Variants in FAM241A observed in about 807,000 individuals in gnomAD.
FAM241A encodes the protein uncharacterized protein FAM241A.
Under a neutral mutation model 12.2 loss-of-function variants are expected in FAM241A, and 7 were observed. The ratio of observed to expected loss-of-function variants is 0.58; its 90% confidence interval spans 0.33 to 1.08. The LOEUF is 1.08. FAM241A is among the 50% of genes least tolerant of loss of function. FAM241A has a pLI of 0.04. For synonymous variants in FAM241A, 74 were observed against 68.2 expected (o/e 1.08, Z -0.42); for missense variants, 161 against 169.7 (o/e 0.95, Z 0.29).
At chr4:112,145,952 C>G (rs1723128243) in intron 1 of FAM241A, among the ~76,000 whole-genome samples, 1 of 151,894 alleles carries the variant, frequency 6.6e-6, no homozygotes, top group South Asian at 2.1e-4. Context: ...AGCGCCGGCC[C>G]CGGGGTCGCG....
intron 1 of FAM241A, among the ~76,000 whole-genome samples, chr4:112,162,325 G>A (rs1723491061): frequency 6.6e-6 from 1 of 152,132 alleles, no homozygotes; most frequent in Admixed American, 6.5e-5. Flanking sequence ...TCAGGCAGGA[G>A]AAAGAAATAA....
chr4:112,154,327 G>A (rs1723307753), intron 1 of FAM241A, among the ~76,000 whole-genome samples: 1 of 151,998 alleles, frequency 6.6e-6, no homozygotes, highest in African/African-American at 2.4e-5. Flanking sequence ...GAGTGCAATG[G>A]TAGGATCTCA....
intron 1 of FAM241A, among the ~76,000 whole-genome samples, chr4:112,172,658 T>C (rs941222840): frequency 1.3e-5 from 2 of 152,218 alleles, no homozygotes; most frequent in Admixed American, 6.5e-5. Context: ...TGTTTATAAA[T>C]GTTAACCTCC....
In FAM241A at chr4:112,186,693, G is replaced by T; in HGVS notation, c.154G>T (p.Asp52Tyr). 2.5e-6 allele frequency: 4 copies of T among 1,578,490 alleles called. No individual in the cohort carries two copies. The highest frequency in any genetic ancestry group is 1.7e-4 in the Middle Eastern group (1 of 5,862). ...RGQRPKESEQDVEDSQNHTGE... is the reference protein window; with the variant it reads ...RGQRPKESEQYVEDSQNHTGE... Reference sequence around the variant, plus strand: ...TTTGTCTTTTTTTTTTTTTTTAAAGGATGTTGAAGACTCACAGAACCACAC... The same window carrying T: ...TTTGTCTTTTTTTTTTTTTTTAAAGTATGTTGAAGACTCACAGAACCACAC... The change falls in exon 2 of 2, where the codon GAT becomes TAT. Residue 52 changes from aspartate to tyrosine, a missense_variant and splice_region_variant. Physicochemically the swap from Asp to Tyr is radical, Grantham distance 160 (BLOSUM62 -3). Coordinates refer to ENST00000309733, the MANE Select transcript of FAM241A (RefSeq NM_152400.3).
At chr4:112,164,768 A>G (rs752739462) in intron 1 of FAM241A, among the ~76,000 whole-genome samples, 37 of 152,322 alleles carry the variant, frequency 2.4e-4, no homozygotes, top group Middle Eastern at 3.4e-3. Flanking sequence ...AAAATGTCTA[A>G]TAATTCAATT....
chr4:112,152,119 T>C (rs547035102), intron 1 of FAM241A, among the ~76,000 whole-genome samples: 2 of 152,254 alleles, frequency 1.3e-5, no homozygotes, highest in African/African-American at 4.8e-5. Flanking sequence ...GGAATAATTT[T>C]GCATTTGATA....
intron 1 of FAM241A, among the ~76,000 whole-genome samples, chr4:112,183,084 A>G (rs1723973745): frequency 6.6e-6 from 1 of 151,926 alleles, no homozygotes; most frequent in Admixed American, 6.6e-5. Flanking sequence ...TTTCTACAGA[A>G]CTTCATTTGT....
rs918184790 is a variant in FAM241A at position 112,194,561 on chromosome 4, G to A, written c.*7623G>A. The A allele has an allele frequency of 2.1e-4, 32 of 151,888 alleles. No homozygotes were observed. Among genetic ancestry groups the A allele is most frequent in the Admixed American group, 8.5e-4 (13 of 15,226 alleles). 9.4% of individuals were successfully genotyped at this position (151,888 alleles called of 1,614,324 possible). On this transcript the variant is annotated 3_prime_UTR_variant, in exon 2 of 2. Transcript: ENST00000309733. ...TTATTGAGAGTTTTTAGCATGAAGC[G>A]TTGTTGAATTTTGTCAAAGGCCTTT...
chr4:112,151,037 A>G (rs1230652840), intron 1 of FAM241A, among the ~76,000 whole-genome samples: 4 of 152,214 alleles, frequency 2.6e-5, no homozygotes, highest in African/African-American at 4.8e-5. Context: ...GAACAGCATT[A>G]ATATAGTTTG....
intron 1 of FAM241A, among the ~76,000 whole-genome samples, chr4:112,161,688 G>A (rs1332298133): frequency 6.6e-6 from 1 of 152,140 alleles, no homozygotes; most frequent in Non-Finnish European, 1.5e-5. Flanking sequence ...ACCAAAAAAA[G>A]TCTAGGACCA....
chr4:112,156,584 A>ACTT (rs892537102), intron 1 of FAM241A, among the ~76,000 whole-genome samples: 8 of 152,204 alleles, frequency 5.3e-5, no homozygotes, highest in African/African-American at 4.8e-5. Context: ...ATCTGTCAAA[A>ACTT]CTTCTTCTCC....
chr4:112,180,931 T>C (rs1330472783), intron 1 of FAM241A, among the ~76,000 whole-genome samples: 1 of 152,186 alleles, frequency 6.6e-6, no homozygotes, highest in Non-Finnish European at 1.5e-5. Context: ...AAAACTAATA[T>C]TAAGTACAAG....
At chr4:112,163,038 G>C (rs1028560152) in intron 1 of FAM241A, among the ~76,000 whole-genome samples, 1 of 152,142 alleles carries the variant, frequency 6.6e-6, no homozygotes, top group African/African-American at 2.4e-5. Context: ...TGACAAACCT[G>C]AGAAAAACAA....
chr4:112,176,779 C>T (rs1261130265), intron 1 of FAM241A, among the ~76,000 whole-genome samples: 6 of 146,848 alleles, frequency 4.1e-5, no homozygotes, highest in Non-Finnish European at 1.5e-5. Context: ...GAACACTCTT[C>T]GTGTGCATGT....
intron 1 of FAM241A, chr4:112,171,448 A>T (rs1167742603): frequency 1.3e-6 from 1 of 778,662 alleles, no homozygotes; most frequent in Non-Finnish European, 2.3e-6. Flanking sequence ...TGCAGATCTA[A>T]GAGAATGCTG....
chr4:112,155,242 A>G (rs2110421494), intron 1 of FAM241A, among the ~76,000 whole-genome samples: 1 of 134,020 alleles, frequency 7.5e-6, no homozygotes, highest in South Asian at 2.4e-4. Context: ...CTTTTTGACT[A>G]CCTGGTGGTT....
At chr4:112,149,160 T>C (rs1723197296) in intron 1 of FAM241A, among the ~76,000 whole-genome samples, 1 of 152,140 alleles carries the variant, frequency 6.6e-6, no homozygotes, top group African/African-American at 2.4e-5. Context: ...TTTGTCTATG[T>C]GTATATGCAT....
At chr4:112,177,627 A>C (rs1723849081) in intron 1 of FAM241A, among the ~76,000 whole-genome samples, 2 of 152,160 alleles carry the variant, frequency 1.3e-5, no homozygotes, top group Non-Finnish European at 2.9e-5. Flanking sequence ...TGCATGTTAC[A>C]TAGGAGGCAC....
intron 1 of FAM241A, among the ~76,000 whole-genome samples, chr4:112,149,818 T>G (rs193125167): frequency 1.4e-4 from 22 of 152,328 alleles, no homozygotes; most frequent in Admixed American, 1.4e-3. Context: ...TTTAGTCATT[T>G]TTTTTCTTTT....
Sources: gnomAD v4.1 joint callset for allele counts (sites outside exome capture counted in the v4.1 genomes callset) on GRCh38, gnomAD v4.1.1 for gene constraint, MANE v1.5 for transcripts, NCBI Gene and HGNC (gene_info 2026-07-23, HGNC 2026-07-21) for gene names.